RBFOX1: variants seen among roughly 807,000 people sequenced by gnomAD.
RBFOX1 encodes RNA binding protein fox-1 homolog 1.
In RBFOX1, 8 loss-of-function variants were observed where a neutral mutation model predicts 57.7. The ratio of observed to expected loss-of-function variants is 0.14; its 90% CI spans 0.08 to 0.25. The LOEUF (loss-of-function observed/expected upper bound fraction) is 0.25, where lower values mean the gene tolerates loss of function less well. Among genes scored for constraint, RBFOX1 ranks in the 10% least tolerant of loss-of-function variants. The pLI is 1.00. For missense variants in RBFOX1, 611 were observed against 548.5 expected (o/e 1.11, Z -1.14); for synonymous variants, 326 against 222.4 (o/e 1.47, Z -4.15).
At chr16:7,272,234 G>C (rs1408988239) in intron 4 of RBFOX1, among the ~76,000 whole-genome samples, 1 of 152,076 alleles carries the variant, frequency 6.6e-6, no homozygotes, top group Non-Finnish European at 1.5e-5. Context: ...TCCAGAGCTG[G>C]AGTGCATTGG....
chr16:6,476,915 T>A lies in RBFOX1; in HGVS notation c.-64+159858T>A, dbSNP rs192318840. 4.6e-5 allele frequency among the ~76,000 whole-genome samples: 7 copies of A among 152,324 alleles called. No homozygotes were observed. In the East Asian group the frequency reaches 5.8e-4, roughly 13 times the overall value. Reference sequence around the variant, plus strand: ...TTCTTTGTTGTCATTGCAACAAGGATCATAGTATCTTTACTAGATGTAGAT... The same window carrying A: ...TTCTTTGTTGTCATTGCAACAAGGAACATAGTATCTTTACTAGATGTAGAT... On this transcript the variant is annotated intron_variant, in intron 2 of 15. Transcript: ENST00000550418.
intron 4 of RBFOX1, among the ~76,000 whole-genome samples, chr16:5,936,368 C>A (rs1240314036): frequency 6.6e-6 from 1 of 152,218 alleles, no homozygotes. Flanking sequence ...AAGTGATCCA[C>A]CTACCTTAGC....
chr16:7,496,745 C>CAA (rs1254583694), intron 4 of RBFOX1, among the ~76,000 whole-genome samples: 1 of 21,066 alleles, frequency 4.7e-5, no homozygotes, highest in African/African-American at 1.7e-4. Flanking sequence ...GACTACAGAA[C>CAA]AGAAAAAAAA....
chr16:7,467,335 T>C lies in RBFOX1; in HGVS notation c.28-50812T>C, dbSNP rs376484355. ...GGGGTCTCATACATACCAAGTCTTA[T>C]AGACTTGGCAGTCTTTAAGGTCAAC... is the stretch of plus-strand genomic sequence containing the variant. On this transcript the variant is annotated intron_variant, in intron 4 of 15. Transcript: ENST00000550418. Among the ~76,000 whole-genome samples the C allele has an allele frequency of 4.1e-4, 63 of 152,270 alleles. 2 individuals carry two copies. In the South Asian group the frequency reaches 9.7e-3, roughly 24 times the overall value.
At chr16:7,036,771 G>C (rs1162244880) in intron 3 of RBFOX1, among the ~76,000 whole-genome samples, 1 of 151,872 alleles carries the variant, frequency 6.6e-6, no homozygotes, top group African/African-American at 2.4e-5. Context: ...AGTCCATAGA[G>C]TAAAGTGAAA....
intron 1 of RBFOX1, among the ~76,000 whole-genome samples, chr16:6,149,535 C>G (rs1157133669): frequency 2.0e-5 from 3 of 152,182 alleles, no homozygotes; most frequent in Admixed American, 2.0e-4. Context: ...AATTCTGCAG[C>G]TGGTGCTGAC....
rs770719307 is a variant in RBFOX1, at chr16:7,575,729, TAG to T, written c.271-4044_271-4043del. Among the ~76,000 whole-genome samples, 353 of 152,228 alleles carry T rather than the reference TAG, an allele frequency of 2.3e-3. 3 individuals are homozygous for T. The highest frequency in any genetic ancestry group is 2.5e-3 in the Non-Finnish European group (167 of 68,018). ...ATGGTCCTCTTTCAGGAAACGAATA[TAG>T]AGACATAAAACGCTGGCTGGTTCTA... On this transcript the variant is annotated intron_variant, in intron 5 of 15. Coordinates refer to ENST00000550418, the MANE Select transcript of RBFOX1 (RefSeq NM_018723.4).
At chr16:5,302,655 C>T (rs971920421) in intron 1 of RBFOX1, among the ~76,000 whole-genome samples, 2 of 152,138 alleles carry the variant, frequency 1.3e-5, no homozygotes, top group African/African-American at 4.8e-5. Flanking sequence ...TATAAATTGA[C>T]ACCTTAATTG....
Position 7,708,955 on chromosome 16 carries a change from G to C in RBFOX1, c.996-101G>C, listed in dbSNP as rs932166635. 6 of 1,052,602 alleles carry C rather than the reference G, an allele frequency of 5.7e-6. No individual in the cohort carries two copies. The African/African-American group carries it at 7.8e-5, about 14-fold the overall frequency. The allele number at this position is 1,052,602 out of a possible 1,614,324, so 65.2% of individuals were successfully genotyped here. A position where few individuals can be genotyped will look rare whatever the true frequency, so the allele number is the denominator to read the frequency against. ...GAATTTGCTTCTCACTGGAAGATGAGTAGGGCCCCTGCATACTGTCTTGGT... is the reference window on the plus strand; with the variant it reads ...GAATTTGCTTCTCACTGGAAGATGACTAGGGCCCCTGCATACTGTCTTGGT... On this transcript the variant is annotated intron_variant, in intron 14 of 15. Coordinates refer to ENST00000550418, the MANE Select transcript of RBFOX1 (RefSeq NM_018723.4).
intron 4 of RBFOX1, among the ~76,000 whole-genome samples, chr16:7,300,990 T>A (rs112881528): frequency 9.2e-5 from 14 of 152,070 alleles, no homozygotes; most frequent in African/African-American, 3.1e-4. Flanking sequence ...GAGATAAGAG[T>A]ATTTTCTTTC....
At chr16:5,934,158 G>A (rs1418729981) in intron 4 of RBFOX1, among the ~76,000 whole-genome samples, 1 of 152,228 alleles carries the variant, frequency 6.6e-6, no homozygotes, top group African/African-American at 2.4e-5. Flanking sequence ...CAGGAGCTCA[G>A]TATAAGGAAC....
intron 3 of RBFOX1, among the ~76,000 whole-genome samples, chr16:6,674,170 A>G (rs935834322): frequency 3.9e-5 from 6 of 152,206 alleles, no homozygotes; most frequent in South Asian, 2.1e-4. Flanking sequence ...TCCAGAAAAG[A>G]TATGTTGAAG....
At chr16:6,824,064 C>T (rs184738498) in intron 3 of RBFOX1, among the ~76,000 whole-genome samples, 4 of 152,120 alleles carry the variant, frequency 2.6e-5, no homozygotes, top group Admixed American at 2.0e-4. Context: ...TTGTCTACAC[C>T]TTGTATTTTG....
chr16:7,133,354 T>C (rs1353628444), intron 4 of RBFOX1, among the ~76,000 whole-genome samples: 1 of 152,252 alleles, frequency 6.6e-6, no homozygotes, highest in Non-Finnish European at 1.5e-5. Flanking sequence ...TTCTGTAAAT[T>C]AGAACATTCC....
chr16:5,610,343 G>C (rs1051617896), intron 3 of RBFOX1: 1 of 152,246 alleles, frequency 6.6e-6, no homozygotes, highest in Non-Finnish European at 1.5e-5. Flanking sequence ...GTGATTGTCA[G>C]AGTGTCTCAC....
intron 3 of RBFOX1, among the ~76,000 whole-genome samples, chr16:6,892,446 G>A (rs1313460594): frequency 6.6e-6 from 1 of 152,110 alleles, no homozygotes; most frequent in East Asian, 1.9e-4. Flanking sequence ...GAAGTGGGTG[G>A]ATCCCTTGAG....
At chr16:6,439,647 T>G (rs971949172) in intron 2 of RBFOX1, among the ~76,000 whole-genome samples, 1 of 152,162 alleles carries the variant, frequency 6.6e-6, no homozygotes, top group Non-Finnish European at 1.5e-5. Flanking sequence ...CTCTCCTGTG[T>G]GGCTCAGAAC....
intron 3 of RBFOX1, among the ~76,000 whole-genome samples, chr16:6,871,959 G>GTGTGTGTGTGTC (rs879908471): frequency 2.4e-5 from 3 of 126,234 alleles, no homozygotes; most frequent in African/African-American, 8.1e-5. Flanking sequence ...GTGTGTGTGT[G>GTGTGTGTGTGTC]TGTTTCCCTC....
At chr16:7,360,519 C>A (rs74809172) in intron 4 of RBFOX1, among the ~76,000 whole-genome samples, 5,595 of 152,198 alleles carry the variant, frequency 0.037, 241 homozygotes, top group African/African-American at 0.1. Context: ...TTCCTGGTAT[C>A]AGAAAACCCA....
Sources: gnomAD v4.1 joint callset for allele counts (sites outside exome capture counted in the v4.1 genomes callset) on GRCh38, gnomAD v4.1.1 for gene constraint, MANE v1.5 for transcripts, NCBI Gene and HGNC (gene_info 2026-07-23, HGNC 2026-07-21) for gene names.